VPS13D: variants seen among roughly 807,000 people sequenced by gnomAD.
The protein encoded by VPS13D is intermembrane lipid transfer protein VPS13D.
VPS13D carries 187 observed loss-of-function variants against 461.9 expected under a neutral mutation model. The observed-to-expected ratio is 0.40, with a 90% CI of 0.36 to 0.46. VPS13D has a LOEUF of 0.46. VPS13D is among the 20% of genes least tolerant of loss of function. The pLI is 0.60. For synonymous variants in VPS13D, 1,951 were observed against 1,986.3 expected (o/e 0.98, Z 0.47); for missense variants, 4,711 against 5,364.9 (o/e 0.88, Z 3.81).
At chr1:12,484,263 G>A (rs563700729) in intron 67 of VPS13D, among the ~76,000 whole-genome samples, 48 of 152,186 alleles carry the variant, frequency 3.2e-4, no homozygotes, top group African/African-American at 1.0e-3. Context: ...ATATAGTGCC[G>A]GACCACCCCA....
In VPS13D at chr1:12,256,588, GGAAA is replaced by G. The variant is rs1404858109; in HGVS notation, c.840+91_840+94del. The G allele has an allele frequency of 3.4e-6, 5 of 1,472,992 alleles. No homozygotes were observed. The African/African-American group carries it at 7.0e-5, about 21-fold the overall frequency. The allele number at this position is 1,472,992 out of a possible 1,614,324, so 91.2% of individuals were successfully genotyped here. The stretch of plus-strand genomic sequence containing the variant: ...TCTTGATATTAACGTATCCTCAGCA[GGAAA>G]GAAAGTTCATGTGAGACCATTTCCC... On this transcript the variant is annotated intron_variant, in intron 8 of 69. Coordinates refer to ENST00000620676, the MANE Select transcript of VPS13D (RefSeq NM_015378.4).
chr1:12,403,799 T>G, intron 62 of VPS13D, 26 bp from the exon 63 acceptor site: 1 of 1,560,320 alleles, frequency 6.4e-7, no homozygotes, highest in East Asian at 2.3e-5. Flanking sequence ...TTCTTTTTTG[T>G]TTTTTTAATT....
chr1:12,429,631 CA>C (rs1644967083), intron 65 of VPS13D, among the ~76,000 whole-genome samples: 1 of 152,238 alleles, frequency 6.6e-6, no homozygotes, highest in South Asian at 2.1e-4. Context: ...AGTTTCCCCC[CA>C]AACATATCTG....
intron 60 of VPS13D, among the ~76,000 whole-genome samples, chr1:12,394,829 C>CT (rs1375219757): frequency 1.3e-5 from 2 of 152,070 alleles, no homozygotes; most frequent in African/African-American, 2.4e-5. Flanking sequence ...CTATTAGAAC[C>CT]TTTTTTACCT....
In VPS13D at chr1:12,293,665, T is replaced by C; in HGVS notation, c.5994T>C (p.Asp1998=). Residue 1998 remains aspartate (D), a synonymous_variant, in exon 24 of 70, where the codon GAT becomes GAC. Transcript: ENST00000620676. ...TTCAGCATTTCACTCAGCTGCAGGA[T>C]GTCTTAGGGCGCCAGCGAGCTGCTA... The part of the protein sequence containing the change: ...AFIQHFTQLQ[D]VLGRQRAAIE... 6.2e-7 allele frequency: 1 copy of C among 1,614,078 alleles called. No individual in the cohort carries two copies. Among genetic ancestry groups the C allele is most frequent in the South Asian group, 1.1e-5 (1 of 91,082 alleles).
chr1:12,428,546 G>C (rs1293579699), intron 65 of VPS13D, among the ~76,000 whole-genome samples: 11 of 152,170 alleles, frequency 7.2e-5, no homozygotes, highest in Admixed American at 7.2e-4. Flanking sequence ...AGTCATGCTT[G>C]TGCTGTCCTC....
intron 63 of VPS13D, among the ~76,000 whole-genome samples, chr1:12,406,266 A>G (rs527892952): frequency 1.5e-4 from 23 of 151,672 alleles, no homozygotes; most frequent in African/African-American, 5.3e-4. Flanking sequence ...AAATAATGTC[A>G]TTTATTCAAA....
intron 65 of VPS13D, among the ~76,000 whole-genome samples, chr1:12,433,802 T>C (rs755197547): frequency 1.3e-5 from 2 of 152,144 alleles, no homozygotes; most frequent in Non-Finnish European, 2.9e-5. Context: ...AGGCCTGCAC[T>C]TAGACCCCAC....
At chr1:12,339,723 G>T (rs1228916445) in intron 40 of VPS13D, among the ~76,000 whole-genome samples, 2 of 152,152 alleles carry the variant, frequency 1.3e-5, no homozygotes, top group African/African-American at 4.8e-5. Context: ...TGCATGCTGT[G>T]TATTTTTATC....
At position 12,366,462 on chromosome 1, in the gene VPS13D, G is replaced by A. The variant is rs192114025; in HGVS notation, c.10449-2006G>A. Among the ~76,000 whole-genome samples, 775 of 152,216 alleles carry A rather than the reference G, an allele frequency of 5.1e-3. 8 individuals are homozygous for A. Among genetic ancestry groups the A allele is most frequent in the South Asian group, 0.017 (83 of 4,820 alleles). On this transcript the variant is annotated intron_variant, in intron 52 of 69. Coordinates refer to ENST00000620676, the MANE Select transcript of VPS13D (RefSeq NM_015378.4). ...TGTCTGTTAGCATAATGTGTTCCCC[G>A]TAAGATTTTATCTGGGTGAAGGAGT... is the stretch of plus-strand genomic sequence containing the variant.
chr1:12,231,863 C>T (rs978923755), intron 1 of VPS13D, among the ~76,000 whole-genome samples: 1 of 152,140 alleles, frequency 6.6e-6, no homozygotes, highest in Non-Finnish European at 1.5e-5. Context: ...TGGCAGGTGC[C>T]TGTAATCCCA....
chr1:12,396,392 C>G (rs1210449539), intron 60 of VPS13D, among the ~76,000 whole-genome samples: 2 of 152,108 alleles, frequency 1.3e-5, no homozygotes, highest in South Asian at 2.1e-4. Context: ...TATTAACTTT[C>G]GGAGTTCTGA....
chr1:12,418,449 A>G (rs900461652), intron 65 of VPS13D, among the ~76,000 whole-genome samples: 4 of 152,238 alleles, frequency 2.6e-5, no homozygotes, highest in African/African-American at 9.6e-5. Context: ...ATGCCCAGTT[A>G]ACATATTTTA....
chr1:12,445,580 C>T (rs762964402), intron 65 of VPS13D, among the ~76,000 whole-genome samples: 1 of 152,172 alleles, frequency 6.6e-6, no homozygotes, highest in Non-Finnish European at 1.5e-5. Flanking sequence ...GACTGAAAGG[C>T]CACTGAGGAA....
chr1:12,359,360 C>T (rs1643918587), intron 50 of VPS13D, among the ~76,000 whole-genome samples: 1 of 151,998 alleles, frequency 6.6e-6, no homozygotes, highest in Non-Finnish European at 1.5e-5. Context: ...ACTGCATGGT[C>T]CTGTAGAACT....
intron 29 of VPS13D, among the ~76,000 whole-genome samples, chr1:12,313,246 T>C (rs939392225): frequency 3.9e-5 from 6 of 151,910 alleles, no homozygotes; most frequent in Admixed American, 6.6e-5. Context: ...CGTTGCATAC[T>C]GAAACTGTGG....
chr1:12,490,817 A>G (rs1328131194), intron 67 of VPS13D, among the ~76,000 whole-genome samples: 1 of 151,158 alleles, frequency 6.6e-6, no homozygotes, highest in South Asian at 2.1e-4. Context: ...CAGGTCCAAG[A>G]CAGATGCAGC....
At chr1:12,244,108 C>T in intron 3 of VPS13D, 138 bp from the exon 4 acceptor site, 1 of 777,462 alleles carries the variant, frequency 1.3e-6, no homozygotes, top group Admixed American at 3.0e-5. Context: ...TGTGCAAGAG[C>T]CTGCTGCCTG....
At chr1:12,369,391 T>C in intron 53 of VPS13D, 76 bp from the exon 54 acceptor site, 1 of 1,351,780 alleles carries the variant, frequency 7.4e-7, no homozygotes, top group Non-Finnish European at 1.0e-6. Flanking sequence ...AACTTAAACC[T>C]ACAAAGCACT....
Sources: gnomAD v4.1 joint callset for allele counts (sites outside exome capture counted in the v4.1 genomes callset) on GRCh38, gnomAD v4.1.1 for gene constraint, MANE v1.5 for transcripts, NCBI Gene and HGNC (gene_info 2026-07-23, HGNC 2026-07-21) for gene names.